The following P3H2 variants were observed in gnomAD, a reference collection of about 807,000 sequenced individuals.
P3H2 encodes prolyl 3-hydroxylase 2.
P3H2 carries 80 observed loss-of-function variants against 87.0 expected under a neutral mutation model. That is an observed-to-expected ratio of 0.92 (90% CI 0.77 to 1.11). The LOEUF (loss-of-function observed/expected upper bound fraction) is 1.11. P3H2 is among the 50% of genes least tolerant of loss of function. P3H2 has a pLI of 0.00. For synonymous variants in P3H2, 367 were observed against 359.3 expected, an observed-to-expected ratio of 1.02 and a Z score of -0.24; for missense variants, 1,001 against 923.9, an observed-to-expected ratio of 1.08 and a Z score of -1.08.
chr3:190,095,759 CCTGG>C (rs1560399382), intron 1 of P3H2, among the ~76,000 whole-genome samples: 1 of 151,956 alleles, frequency 6.6e-6, no homozygotes, highest in African/African-American at 2.4e-5. Context: ...CGCCACCACG[CCTGG>C]CTAATTATTT....
At chr3:190,025,804 A>G in intron 1 of P3H2, among the ~76,000 whole-genome samples, 1 of 152,164 alleles carries the variant, frequency 6.6e-6, no homozygotes, top group South Asian at 2.1e-4. Flanking sequence ...GTAACCATCA[A>G]TGCTTCCCAT....
chr3:190,017,009 G>T (rs1658886653), intron 1 of P3H2, among the ~76,000 whole-genome samples: 1 of 152,202 alleles, frequency 6.6e-6, no homozygotes, highest in South Asian at 2.1e-4. Context: ...TAATTCAGTA[G>T]AAAATGTTGT....
At chr3:190,114,284 C>G (rs540429302) in intron 1 of P3H2, among the ~76,000 whole-genome samples, 2 of 149,830 alleles carry the variant, frequency 1.3e-5, no homozygotes, top group Non-Finnish European at 3.0e-5. Context: ...CCCGGGTTCA[C>G]GCCATTCTCC....
At position 190,120,386 on chromosome 3, in the gene P3H2, G is replaced by A. The variant is rs1345433133; in HGVS notation, c.346C>T (p.Arg116Trp). The change falls in exon 1 of 15, where the codon CGG (arginine) becomes TGG (tryptophan). Residue 116 changes from arginine to tryptophan, a missense_variant. By Grantham distance (101) the Arg-to-Trp change is moderately radical. Coordinates refer to ENST00000319332, the MANE Select transcript of P3H2 (RefSeq NM_018192.4). Reference protein sequence around the residue: ...ELPLFRSLLGRARCYRSCETQ... With the variant: ...ELPLFRSLLGWARCYRSCETQ... ...TCACAGCTGCGATAACAGCGCGCCC[G>A]CCCCAACAAGGAGCGGAAAAGGGGC... 3 of 1,544,816 alleles carry A rather than the reference G, an allele frequency of 1.9e-6. No homozygotes were observed. Among genetic ancestry groups the A allele is most frequent in the East Asian group, 2.4e-5 (1 of 41,586 alleles).
intron 13 of P3H2, among the ~76,000 whole-genome samples, chr3:189,966,091 A>G (rs904663726): frequency 7.8e-6 from 1 of 128,606 alleles, no homozygotes; most frequent in East Asian, 3.7e-4. Flanking sequence ...AGGAAGAAAG[A>G]AAGAAAGAAA....
chr3:190,038,234 TAAAAA>T (rs140978961), intron 1 of P3H2, among the ~76,000 whole-genome samples: 35 of 132,164 alleles, frequency 2.6e-4, no homozygotes, highest in Non-Finnish European at 2.8e-4. Flanking sequence ...AGACTAGGTT[TAAAAA>T]AAAAAAAAAA....
In P3H2 at chr3:190,010,297, A is replaced by T. The variant is rs144448512; in HGVS notation, c.481-14855T>A. On this transcript the variant is annotated intron_variant, in intron 1 of 14. Transcript: ENST00000319332. ...GCCACTATTATTAAACATGTAATAC[A>T]CCAGAGACCTGAAATAAATGTATTA... Among the ~76,000 whole-genome samples, 597 of 152,292 alleles carry T rather than the reference A, an allele frequency of 3.9e-3. 4 individuals carry two copies. Among genetic ancestry groups the T allele is most frequent in the African/African-American group, 0.014 (574 of 41,562 alleles).
chr3:190,050,202 C>T (rs183600858), intron 1 of P3H2, among the ~76,000 whole-genome samples: 14 of 152,308 alleles, frequency 9.2e-5, no homozygotes, highest in Admixed American at 3.9e-4. Flanking sequence ...GGATTTCTTT[C>T]TTACGCTGAA....
intron 1 of P3H2, among the ~76,000 whole-genome samples, chr3:190,018,736 G>T (rs1171272564): frequency 6.6e-6 from 1 of 152,124 alleles, no homozygotes; most frequent in Non-Finnish European, 1.5e-5. Flanking sequence ...TAAGTGCCTT[G>T]CTAACTCCAC....
At chr3:190,104,546 C>T (rs1257666633) in intron 1 of P3H2, among the ~76,000 whole-genome samples, 1 of 152,154 alleles carries the variant, frequency 6.6e-6, no homozygotes, top group Non-Finnish European at 1.5e-5. Context: ...CAGTGTAGAA[C>T]ACCACCAGGT....
chr3:189,992,368 T>A (rs1723905351), intron 3 of P3H2, among the ~76,000 whole-genome samples: 1 of 152,118 alleles, frequency 6.6e-6, no homozygotes, highest in African/African-American at 2.4e-5. Context: ...AGTGCTAGGA[T>A]TACAGGCATG....
intron 8 of P3H2, among the ~76,000 whole-genome samples, chr3:189,981,011 G>A (rs950128996): frequency 6.6e-5 from 10 of 152,240 alleles, no homozygotes; most frequent in African/African-American, 2.4e-4. Flanking sequence ...CTAGGTTGCT[G>A]AGCACGTGGA....
chr3:190,053,450 G>GTTT (rs1282152069), intron 1 of P3H2, among the ~76,000 whole-genome samples: 49 of 128,910 alleles, frequency 3.8e-4, no homozygotes, highest in African/African-American at 1.3e-3. Flanking sequence ...AAATAAAGTG[G>GTTT]TTTTTTTTTT....
At chr3:190,103,221 C>T (rs1418410080) in intron 1 of P3H2, among the ~76,000 whole-genome samples, 2 of 152,148 alleles carry the variant, frequency 1.3e-5, no homozygotes, top group African/African-American at 2.4e-5. Flanking sequence ...TATGGACAAA[C>T]CTATGTCCTA....
At chr3:190,065,793 T>C (rs1467666393) in intron 1 of P3H2, among the ~76,000 whole-genome samples, 1 of 152,126 alleles carries the variant, frequency 6.6e-6, no homozygotes, top group African/African-American at 2.4e-5. Flanking sequence ...CCTCCAATAA[T>C]CTATAATTTA....
intron 1 of P3H2, among the ~76,000 whole-genome samples, chr3:190,089,389 C>A (rs1363390507): frequency 1.3e-5 from 2 of 152,222 alleles, no homozygotes; most frequent in African/African-American, 4.8e-5. Flanking sequence ...AAAGAAAATT[C>A]ATTGTTAAAT....
At chr3:190,101,335 G>C (rs1350924239) in intron 1 of P3H2, among the ~76,000 whole-genome samples, 2 of 111,704 alleles carry the variant, frequency 1.8e-5, no homozygotes, top group East Asian at 6.2e-4. Context: ...ATAAAAGCTA[G>C]GTTTCTTGCA....
At position 189,983,150 on chromosome 3, in the gene P3H2, C is replaced by T; in HGVS notation, c.1230-10G>A. ...CACTCCTGAAGGGACCCTGCCCATT[C>T]AAAAAATTTAAAATGGCAATTTGTC... On this transcript the variant is annotated splice_polypyrimidine_tract_variant and intron_variant, in intron 7 of 14. Coordinates refer to ENST00000319332, the MANE Select transcript of P3H2 (RefSeq NM_018192.4). The T allele has an allele frequency of 6.2e-7, 1 of 1,608,764 alleles. No homozygotes were observed.
At chr3:189,973,552 G>A (rs1239310239) in intron 10 of P3H2, among the ~76,000 whole-genome samples, 1 of 118,764 alleles carries the variant, frequency 8.4e-6, no homozygotes, top group Admixed American at 1.1e-4. Flanking sequence ...ACGGAGTCTC[G>A]CTCTCGCCCA....
Sources: gnomAD v4.1 joint callset for allele counts (sites outside exome capture counted in the v4.1 genomes callset) on GRCh38, gnomAD v4.1.1 for gene constraint, MANE v1.5 for transcripts, NCBI Gene and HGNC (gene_info 2026-07-23, HGNC 2026-07-21) for gene names.